Variants in DGKH observed in about 807,000 individuals in gnomAD.
DGKH encodes DAG kinase eta.
In DGKH, 90 loss-of-function variants were observed where a neutral mutation model predicts 159.3. The ratio of observed to expected loss-of-function variants is 0.57; its 90% CI spans 0.48 to 0.67. DGKH has a LOEUF of 0.67. DGKH is among the 30% of genes least tolerant of loss of function. The pLI, the probability that DGKH is intolerant of heterozygous loss-of-function variation, is 0.00. For synonymous variants in DGKH, 536 were observed against 553.8 expected (o/e 0.97, Z 0.45); for missense variants, 1,181 against 1,506.1 (o/e 0.78, Z 3.57).
Position 42,214,535 on chromosome 13 carries a change from C to G in DGKH, c.3043C>G (p.Leu1015Val). Residue 1015 changes from leucine (L) to valine (V), a missense_variant, in exon 25 of 30, where the codon CTT becomes GTT. Coordinates refer to ENST00000337343, the MANE Select transcript of DGKH (RefSeq NM_178009.5). ...RICDAATIHC[L>V]LEQELAHAVN... Reference sequence around the variant, plus strand: ...ATGTGACGCAGCCACAATTCACTGTCTTTTGGAGCAAGAACTGGCCCATGC... The same window carrying G: ...ATGTGACGCAGCCACAATTCACTGTGTTTTGGAGCAAGAACTGGCCCATGC... The G allele has an allele frequency of 6.2e-7, 1 of 1,613,442 alleles. No individual in the cohort carries two copies. Among genetic ancestry groups the G allele is most frequent in the Non-Finnish European group, 8.5e-7 (1 of 1,179,652 alleles).
At chr13:42,184,698 C>A (rs925513068) in intron 13 of DGKH, among the ~76,000 whole-genome samples, 36 of 151,668 alleles carry the variant, frequency 2.4e-4, no homozygotes, top group African/African-American at 8.7e-4. Context: ...TACATCTCTA[C>A]CAAAAAAAAT....
chr13:42,137,969 T>C (rs1484199567), intron 3 of DGKH: 1 of 433,316 alleles, frequency 2.3e-6, no homozygotes, highest in Non-Finnish European at 3.1e-6. Context: ...TAATTCAAGC[T>C]CAGTATAACA....
chr13:42,154,822 C>T (rs533176712), intron 3 of DGKH, among the ~76,000 whole-genome samples: 61 of 151,700 alleles, frequency 4.0e-4, no homozygotes, highest in African/African-American at 1.1e-3. Context: ...GGGCGGATCA[C>T]GAGGTCAAGA....
intron 1 of DGKH, among the ~76,000 whole-genome samples, chr13:42,111,686 A>G (rs1429027038): frequency 6.6e-6 from 1 of 152,264 alleles, no homozygotes; most frequent in Non-Finnish European, 1.5e-5. Flanking sequence ...AAACAAAATA[A>G]TAAAGATATT....
intron 1 of DGKH, among the ~76,000 whole-genome samples, chr13:42,104,549 G>A (rs1359670852): frequency 6.6e-6 from 1 of 152,180 alleles, no homozygotes; most frequent in African/African-American, 2.4e-5. Flanking sequence ...AATAGGACCA[G>A]GTGTCTTTAA....
chr13:42,122,953 T>G (rs554341408), intron 1 of DGKH, among the ~76,000 whole-genome samples: 6 of 152,356 alleles, frequency 3.9e-5, no homozygotes, highest in Admixed American at 3.9e-4. Context: ...AAGATGTTCT[T>G]TGATTTGACT....
intron 1 of DGKH, among the ~76,000 whole-genome samples, chr13:42,101,108 G>A (rs1954644200): frequency 6.6e-6 from 1 of 152,126 alleles, no homozygotes. Context: ...CTCTGCTCTA[G>A]CATGGCCATT....
intron 28 of DGKH, among the ~76,000 whole-genome samples, chr13:42,220,887 AG>A (rs1957951143): frequency 6.6e-6 from 1 of 152,240 alleles, no homozygotes; most frequent in African/African-American, 2.4e-5. Context: ...AGCTCATTTC[AG>A]TCTATAGCCG....
chr13:42,149,179 T>C (rs1028706918), intron 3 of DGKH, among the ~76,000 whole-genome samples: 5 of 152,122 alleles, frequency 3.3e-5, no homozygotes, highest in African/African-American at 4.8e-5. Flanking sequence ...TCTTCCCACG[T>C]TGGCCTCCTA....
chr13:42,173,949 G>A, intron 11 of DGKH, 111 bp from the exon 12 acceptor site: 2 of 631,508 alleles, frequency 3.2e-6, no homozygotes, highest in East Asian at 2.8e-5. Context: ...GAATGTGTGT[G>A]TGTGTGTGTG....
intron 17 of DGKH, 95 bp downstream of exon 17, chr13:42,195,111 A>G: frequency 1.4e-6 from 2 of 1,449,184 alleles, no homozygotes; most frequent in Non-Finnish European, 1.9e-6. Flanking sequence ...GTTCTTAAAG[A>G]TAAATATTCT....
intron 1 of DGKH, among the ~76,000 whole-genome samples, chr13:42,050,352 CA>C (rs1201238025): frequency 6.7e-6 from 1 of 150,156 alleles, no homozygotes; most frequent in Non-Finnish European, 1.5e-5. Flanking sequence ...GCCTGAGCGA[CA>C]AAAAAAAAGC....
intron 7 of DGKH, among the ~76,000 whole-genome samples, chr13:42,163,419 T>A (rs1388240073): frequency 1.3e-5 from 2 of 152,094 alleles, no homozygotes; most frequent in Non-Finnish European, 2.9e-5. Flanking sequence ...TAGTTCTAGA[T>A]CCCTGAGGAA....
At position 42,152,595 on chromosome 13, in the gene DGKH, C is replaced by T. The variant is rs140341609; in HGVS notation, c.385-2696C>T. 4.8e-4 allele frequency among the ~76,000 whole-genome samples: 72 copies of T among 150,996 alleles called. 2 individuals are homozygous for T. Among genetic ancestry groups the T allele is most frequent in the African/African-American group, 1.7e-3 (70 of 41,352 alleles). ...TCTTGGTGATTCCTCAAGGCCAAGT[C>T]CTTTGTCATGTCATTTTCCCATGGA... On this transcript the variant is annotated intron_variant, in intron 3 of 29. Transcript: ENST00000337343.
chr13:42,106,292 G>C (rs1954754173), intron 1 of DGKH, among the ~76,000 whole-genome samples: 1 of 152,194 alleles, frequency 6.6e-6, no homozygotes, highest in Non-Finnish European at 1.5e-5. Context: ...ACAGGCATGA[G>C]CCACTGTGCC....
At chr13:42,135,771 C>T (rs1479125219) in intron 3 of DGKH, among the ~76,000 whole-genome samples, 1 of 152,044 alleles carries the variant, frequency 6.6e-6, no homozygotes, top group African/African-American at 2.4e-5. Context: ...CTGATGCCAC[C>T]CTGGGAAAGG....
In DGKH at chr13:42,127,923, TGA is replaced by T. The variant is rs138019647; in HGVS notation, c.303+370_303+371del. 2.0e-3 allele frequency among the ~76,000 whole-genome samples: 293 copies of T among 147,234 alleles called. 2 individuals carry two copies. Among genetic ancestry groups the T allele is most frequent in the South Asian group, 7.9e-3 (37 of 4,698 alleles). ...TACCTTGTAAATCTTTCCCTGACCA[TGA>T]GAGAGAGAGAGAGAGAGAGCTGCTA... On this transcript the variant is annotated intron_variant, in intron 2 of 29. Transcript: ENST00000337343.
At chr13:42,169,081 A>G (rs1956378275) in intron 11 of DGKH, among the ~76,000 whole-genome samples, 1 of 152,182 alleles carries the variant, frequency 6.6e-6, no homozygotes, top group Non-Finnish European at 1.5e-5. Flanking sequence ...TTAAATACAG[A>G]AGGCTATGTT....
At chr13:42,244,619 T>C (rs1359121766), downstream of DGKH, among the ~76,000 whole-genome samples, 6 of 152,092 alleles carry the variant, frequency 3.9e-5, no homozygotes, top group Non-Finnish European at 1.5e-5. Context: ...AAGAACAACA[T>C]ACTGGCCGGG....
Sources: gnomAD v4.1 joint callset for allele counts (sites outside exome capture counted in the v4.1 genomes callset) on GRCh38, gnomAD v4.1.1 for gene constraint, MANE v1.5 for transcripts, NCBI Gene and HGNC (gene_info 2026-07-23, HGNC 2026-07-21) for gene names.